Variants in ALG1 observed in about 807,000 individuals in gnomAD.
The protein encoded by ALG1 is chitobiosyldiphosphodolichol beta-mannosyltransferase.
A neutral mutation model predicts 55.1 loss-of-function variants in ALG1; 58 were observed. The observed-to-expected ratio is 1.05, with a 90% CI of 0.85 to 1.31. The LOEUF is 1.31. Among genes scored for constraint, ALG1 ranks in the 50% most tolerant of loss-of-function variants. The probability of loss-of-function intolerance (pLI) is 0.00; values close to 1 mark genes in which losing one functional copy is unlikely to be tolerated. For missense variants in ALG1, 761 were observed against 598.6 expected, an observed-to-expected ratio of 1.27 and a Z score of -2.83; for synonymous variants, 309 against 247.0, an observed-to-expected ratio of 1.25 and a Z score of -2.35.
chr16:5,077,962 C>T lies in ALG1; in HGVS notation c.685C>T (p.Leu229=), dbSNP rs1956944460. The T allele has an allele frequency of 6.2e-7, 1 of 1,605,160 alleles. No individual in the cohort carries two copies. The highest frequency in any genetic ancestry group is 2.2e-5 in the East Asian group (1 of 44,884). ...ASFFKETPLD[L]QHRLFMKLGS... is the part of the protein sequence containing the mutation. Reference sequence around the variant, plus strand: ...TTTCTTTAAAGAGACACCTCTGGACCTGCAGCACCGGCTCTTCATGAAGCT... The same window carrying T: ...TTTCTTTAAAGAGACACCTCTGGACTTGCAGCACCGGCTCTTCATGAAGCT... Residue 229 remains leucine, a synonymous_variant, in exon 6 of 13, where the codon CTG becomes TTG. Transcript: ENST00000262374.
At chr16:5,073,058 G>C (rs1488286299) in intron 2 of ALG1, 30 bp downstream of exon 2, 5 of 1,612,848 alleles carry the variant, frequency 3.1e-6, no homozygotes, top group Non-Finnish European at 4.2e-6. Flanking sequence ...AGAATCCTCT[G>C]AATCCATGGG....
At chr16:5,078,227 C>T in intron 6 of ALG1, 1 of 717,512 alleles carries the variant, frequency 1.4e-6, no homozygotes, top group East Asian at 2.7e-5. Flanking sequence ...GCTGCAATAG[C>T]AGAATCGCGT....
intron 3 of ALG1, among the ~76,000 whole-genome samples, chr16:5,074,178 C>T (rs1956868185): frequency 6.6e-6 from 1 of 150,514 alleles, no homozygotes; most frequent in African/African-American, 2.4e-5. Flanking sequence ...GAGATGGAGT[C>T]TCTGTTGCTC....
At chr16:5,077,718 C>T (rs1596256385) in intron 5 of ALG1, among the ~76,000 whole-genome samples, 184 bp downstream of exon 5, 3 of 152,318 alleles carry the variant, frequency 2.0e-5, no homozygotes, top group Middle Eastern at 3.4e-3. Context: ...CTTAGCCAGC[C>T]AGGGGGTCCA....
rs1009298200 is a variant in ALG1 at position 5,079,077 on chromosome 16, C to T, written c.876C>T (p.Phe292=). The T allele has an allele frequency of 1.3e-6, 2 of 1,598,778 alleles. No homozygotes were observed. The highest frequency in any genetic ancestry group is 8.5e-7 in the Non-Finnish European group (1 of 1,179,706). The change falls in exon 8 of 13, where the codon TTC becomes TTT. Residue 292 remains phenylalanine, a synonymous_variant. Transcript: ENST00000262374. The stretch of plus-strand genomic sequence containing the variant: ...CTCTTCTCATAGAGGACGAAGACTT[C>T]TCCATCCTGCTGGCAGCTTTAGAAA... The part of the protein sequence containing the change: ...SSTSWTEDED[F]SILLAALEKF...
At position 5,079,572 on chromosome 16, in the gene ALG1, C is replaced by A. The variant is rs1490020875; in HGVS notation, c.902-176C>A. 2.0e-5 allele frequency among the ~76,000 whole-genome samples: 3 copies of A among 151,994 alleles called. No homozygotes were observed. The East Asian group carries it at 5.8e-4, about 29-fold the overall frequency. On this transcript the variant is annotated intron_variant, in intron 8 of 12. Transcript: ENST00000262374. ...GGTATGGTGGTGGGCGCCTGTCATCCCAGCTACTTGGGAGGCTGATGCACG... is the reference window on the plus strand; with the variant it reads ...GGTATGGTGGTGGGCGCCTGTCATCACAGCTACTTGGGAGGCTGATGCACG...
chr16:5,076,430 A>G (rs142781415), intron 4 of ALG1, among the ~76,000 whole-genome samples: 139 of 152,304 alleles, frequency 9.1e-4, no homozygotes, highest in African/African-American at 3.1e-3. Context: ...TTCAATCTCT[A>G]TGCACCTCAG....
chr16:5,073,427 C>G (rs1487306805), intron 3 of ALG1, 171 bp downstream of exon 3: 10 of 665,506 alleles, frequency 1.5e-5, no homozygotes, highest in South Asian at 1.4e-4. Flanking sequence ...TATCCATGCT[C>G]TCTGTGTCAT....
rs750916481 is a variant in ALG1, at chr16:5,079,113, G to A, written c.901+11G>A. On this transcript the variant is annotated intron_variant, in intron 8 of 12. Coordinates refer to ENST00000262374, the MANE Select transcript of ALG1 (RefSeq NM_019109.5). Reference sequence around the variant, plus strand: ...TGGCAGCTTTAGAAAGTAGGTGTGTGGCTGCGGTGAGGAGCTCTGGGCTTG... The same window carrying A: ...TGGCAGCTTTAGAAAGTAGGTGTGTAGCTGCGGTGAGGAGCTCTGGGCTTG... 6.3e-7 allele frequency: 1 copy of A among 1,596,112 alleles called. No homozygotes were observed.
At position 5,084,717 on chromosome 16, in the gene ALG1, A is replaced by G; in HGVS notation, c.1264-33A>G. The G allele has an allele frequency of 3.1e-6, 5 of 1,596,140 alleles. No individual in the cohort carries two copies. The East Asian group carries it at 6.7e-5, about 21-fold the overall frequency. On this transcript the variant is annotated intron_variant, in intron 12 of 12. Coordinates refer to ENST00000262374, the MANE Select transcript of ALG1 (RefSeq NM_019109.5). ...ACCTGGGATGGGGTGGGGACAGGCA[A>G]TGAGGTAAGCTCTGCTCTTTATTTT...
intron 5 of ALG1, 120 bp downstream of exon 5, chr16:5,077,654 G>C (rs1467298888): frequency 4.3e-6 from 5 of 1,153,988 alleles, no homozygotes; most frequent in African/African-American, 1.5e-5. Flanking sequence ...CTGAGGGCCT[G>C]GGAGGTGGTC....
At chr16:5,082,474 T>C (rs1425071711) in intron 10 of ALG1, 85 bp from the exon 11 acceptor site, 2 of 1,436,454 alleles carry the variant, frequency 1.4e-6, no homozygotes, top group Non-Finnish European at 1.9e-6. Context: ...TCACTCTCCT[T>C]GGGGGATGCT....
At chr16:5,072,625 G>A (rs141427133) in intron 1 of ALG1, among the ~76,000 whole-genome samples, 1 of 152,282 alleles carries the variant, frequency 6.6e-6, no homozygotes, top group Non-Finnish European at 1.5e-5. Flanking sequence ...GGGTGATGGG[G>A]TAGAGTGGGA....
intron 9 of ALG1, among the ~76,000 whole-genome samples, chr16:5,080,042 C>CT (rs1041936875): frequency 6.1e-5 from 9 of 146,782 alleles, no homozygotes; most frequent in East Asian, 6.0e-4. Context: ...TTCCAAGCAT[C>CT]TTTTTTTTGT....
intron 12 of ALG1, 146 bp from the exon 13 acceptor site, chr16:5,084,604 G>C: frequency 8.0e-7 from 1 of 1,250,614 alleles, no homozygotes; most frequent in Non-Finnish European, 1.1e-6. Flanking sequence ...TGCTGCTGGG[G>C]TGTGAAGGGT....
chr16:5,075,784 C>T (rs370598272), intron 4 of ALG1, among the ~76,000 whole-genome samples: 1 of 152,198 alleles, frequency 6.6e-6, no homozygotes. Context: ...AGCAGTGTCA[C>T]TGGGACCCAG....
rs961517275 is a variant in ALG1, at chr16:5,083,532, A to C, written c.1188-150A>C. 6 of 1,509,486 alleles carry C rather than the reference A, an allele frequency of 4.0e-6. 1 individual carries two copies. In the Admixed American group the frequency reaches 8.4e-5, roughly 21 times the overall value. The allele number at this position is 1,509,486 out of a possible 1,614,324, so 93.5% of individuals were successfully genotyped here. ...AGGCCTTTATACCCTTCAGATGCCA[A>C]ATCTAAGAACCAGCTCCCGGAAACC... On this transcript the variant is annotated intron_variant, in intron 11 of 12. Coordinates refer to ENST00000262374, the MANE Select transcript of ALG1 (RefSeq NM_019109.5).
chr16:5,078,877 A>G lies in ALG1; in HGVS notation c.861A>G (p.Thr287=), dbSNP rs772097769. 20 of 1,611,336 alleles carry G rather than the reference A, an allele frequency of 1.2e-5. No homozygotes were observed. The East Asian group carries it at 4.0e-4, about 32-fold the overall frequency. ...TGCTGGTCAGCAGCACGAGCTGGACAGGTCTGCAGGACCCCTGGGGCACTT... is the reference window on the plus strand; with the variant it reads ...TGCTGGTCAGCAGCACGAGCTGGACGGGTCTGCAGGACCCCTGGGGCACTT... ...PALLVSSTSW[T]EDEDFSILLA... is the part of the protein sequence containing the mutation. The change falls in exon 7 of 13, where the codon ACA becomes ACG. Residue 287 remains threonine (T), a splice_region_variant and synonymous_variant. Transcript: ENST00000262374.
In ALG1 at chr16:5,085,634, A is replaced by G. The variant is rs1957130629; in HGVS notation, c.*753A>G. 2 of 1,604,160 alleles carry G rather than the reference A, an allele frequency of 1.2e-6. No individual in the cohort carries two copies. The highest frequency in any genetic ancestry group is 1.7e-6 in the Non-Finnish European group (2 of 1,172,764). ...CCCGTTGGAGTCGTGTGTGAGTCCT[A>G]CAGGGTGAGATTCAGCATTGCCATC... On this transcript the variant is annotated 3_prime_UTR_variant, in exon 13 of 13. Transcript: ENST00000262374.
Sources: gnomAD v4.1 joint callset for allele counts (sites outside exome capture counted in the v4.1 genomes callset) on GRCh38, gnomAD v4.1.1 for gene constraint, MANE v1.5 for transcripts, NCBI Gene and HGNC (gene_info 2026-07-23, HGNC 2026-07-21) for gene names.